The following ZBTB20 variants were observed in gnomAD, a reference collection of about 807,000 sequenced individuals.
The protein encoded by ZBTB20 is zinc finger and BTB domain containing 20.
In ZBTB20, 9 loss-of-function variants were observed where a neutral mutation model predicts 56.9. The observed-to-expected ratio is 0.16, with a 90% CI of 0.10 to 0.28. The LOEUF (loss-of-function observed/expected upper bound fraction) is 0.28. ZBTB20 is among the 10% of genes least tolerant of loss of function. The pLI, the probability that ZBTB20 is intolerant of heterozygous loss-of-function variation, is 1.00. For missense variants in ZBTB20, 655 were observed against 1,003.0 expected (o/e 0.65, Z 4.69); for synonymous variants, 417 against 420.7 (o/e 0.99, Z 0.11).
At chr3:115,047,882 A>T (rs538449850) in intron 2 of ZBTB20, among the ~76,000 whole-genome samples, 1 of 152,112 alleles carries the variant, frequency 6.6e-6, no homozygotes, top group African/African-American at 2.4e-5. Flanking sequence ...GAGATGCTAT[A>T]TTCATGATTT....
intron 6 of ZBTB20, among the ~76,000 whole-genome samples, chr3:114,666,276 G>GA (rs2061049619): frequency 6.6e-6 from 1 of 151,990 alleles, no homozygotes; most frequent in Non-Finnish European, 1.5e-5. Flanking sequence ...CTACAATCAA[G>GA]AAATGATTTG....
chr3:115,046,334 G>A (rs2081332494), intron 2 of ZBTB20, among the ~76,000 whole-genome samples: 1 of 149,842 alleles, frequency 6.7e-6, no homozygotes, highest in Non-Finnish European at 1.5e-5. Flanking sequence ...CTATAAAGTT[G>A]TTAGAAAAAA....
rs116327548 is a variant in ZBTB20 at position 114,569,525 on chromosome 3, C to A, written c.-294-69134G>T. On this transcript the variant is annotated intron_variant, in intron 6 of 11. Transcript: ENST00000675478. Reference sequence around the variant, plus strand: ...CTTACATTCTATGACTCTCTGACCGCAGATCAGTCAGGTCTCCTGGATTAG... The same window carrying A: ...CTTACATTCTATGACTCTCTGACCGAAGATCAGTCAGGTCTCCTGGATTAG... Among the ~76,000 whole-genome samples the A allele has an allele frequency of 3.8e-3, 583 of 152,304 alleles. 2 individuals carry two copies. The highest frequency in any genetic ancestry group is 0.012 in the African/African-American group (515 of 41,568).
chr3:114,775,957 T>C (rs2069573183), intron 5 of ZBTB20, among the ~76,000 whole-genome samples: 1 of 152,054 alleles, frequency 6.6e-6, no homozygotes, highest in Admixed American at 6.5e-5. Context: ...CCATTGATCA[T>C]GGACCTAGTT....
chr3:115,043,913 G>C (rs926660476), intron 2 of ZBTB20, among the ~76,000 whole-genome samples: 4 of 152,070 alleles, frequency 2.6e-5, no homozygotes, highest in Non-Finnish European at 4.4e-5. Context: ...GAATGGCTTG[G>C]CACCATCTCC....
chr3:114,664,129 C>A lies in ZBTB20; in HGVS notation c.-295+29399G>T, dbSNP rs886066535. 3.3e-5 allele frequency among the ~76,000 whole-genome samples: 5 copies of A among 152,118 alleles called. 1 individual carries two copies. The highest frequency in any genetic ancestry group is 2.1e-4 in the South Asian group (1 of 4,820). The stretch of plus-strand genomic sequence containing the variant: ...TGAGACTCATGAACTTGTATCTAGA[C>A]AATTAATCTGAGCATTTTAAGACTT... On this transcript the variant is annotated intron_variant, in intron 6 of 11. Coordinates refer to ENST00000675478, the MANE Select transcript of ZBTB20 (RefSeq NM_001348800.3).
At chr3:114,861,525 T>C (rs1385498780) in intron 4 of ZBTB20, among the ~76,000 whole-genome samples, 1 of 152,162 alleles carries the variant, frequency 6.6e-6, no homozygotes, top group Admixed American at 6.5e-5. Flanking sequence ...TTCTAGACAA[T>C]TAACAAAGTC....
chr3:114,335,046 GATAATAC>G lies in ZBTB20; in HGVS notation c.*3952_*3958del, dbSNP rs1397949508. On this transcript the variant is annotated 3_prime_UTR_variant, in exon 12 of 12. Transcript: ENST00000675478. ...AAGGAAAAATTGCCCATGATGCTGA[GATAATAC>G]CAGTGTTTTTAGTGGTAGAAAATAT... is the stretch of plus-strand genomic sequence containing the variant. The G allele has an allele frequency of 2.0e-5, 3 of 152,062 alleles. No individual in the cohort carries two copies. The highest frequency in any genetic ancestry group is 7.2e-5 in the African/African-American group (3 of 41,390). 9.4% of individuals were successfully genotyped at this position (152,062 alleles called of 1,614,324 possible).
At chr3:114,579,813 A>G (rs78714514) in intron 6 of ZBTB20, among the ~76,000 whole-genome samples, 14,182 of 151,650 alleles carry the variant, frequency 0.094, 771 homozygotes, top group African/African-American at 0.14. Flanking sequence ...TAAACTGTGA[A>G]CTGTATTTAA....
intron 3 of ZBTB20, among the ~76,000 whole-genome samples, chr3:114,950,539 T>C (rs954253911): frequency 6.6e-6 from 1 of 152,096 alleles, no homozygotes; most frequent in African/African-American, 2.4e-5. Flanking sequence ...ACTGAAATCA[T>C]GAATCAAGTG....
At chr3:114,862,311 A>C (rs374717164) in intron 4 of ZBTB20, among the ~76,000 whole-genome samples, 1 of 151,968 alleles carries the variant, frequency 6.6e-6, no homozygotes, top group Admixed American at 6.6e-5. Context: ...ACGGTAAATA[A>C]TTTTTTTTAA....
chr3:115,031,932 A>T (rs1293884229), intron 2 of ZBTB20, among the ~76,000 whole-genome samples: 1 of 151,404 alleles, frequency 6.6e-6, no homozygotes, highest in Non-Finnish European at 1.5e-5. Context: ...ATGCTATTCA[A>T]CCCTGAGTAC....
intron 7 of ZBTB20, among the ~76,000 whole-genome samples, chr3:114,456,972 G>A (rs1359793702): frequency 6.6e-6 from 1 of 152,232 alleles, no homozygotes; most frequent in Non-Finnish European, 1.5e-5. Context: ...GAGTAATTTA[G>A]TTTATTTGCA....
chr3:114,547,834 G>GTAA (rs2050076443), intron 6 of ZBTB20, among the ~76,000 whole-genome samples: 1 of 152,104 alleles, frequency 6.6e-6, no homozygotes, highest in Admixed American at 6.5e-5. Flanking sequence ...ACAGAAACTA[G>GTAA]TTTAAACTTT....
chr3:114,380,159 G>A (rs1256756946), intron 10 of ZBTB20, 58 bp downstream of exon 10: 2 of 1,435,154 alleles, frequency 1.4e-6, no homozygotes. Context: ...CCAGAACCCA[G>A]GGTAGAAGCA....
chr3:114,902,525 T>C (rs2075161251), intron 3 of ZBTB20, among the ~76,000 whole-genome samples: 1 of 152,180 alleles, frequency 6.6e-6, no homozygotes, highest in Non-Finnish European at 1.5e-5. Flanking sequence ...GGTTTATTTT[T>C]TATATTTCTG....
At chr3:115,147,143 C>T (rs1269432203) in intron 1 of ZBTB20, 76 bp downstream of exon 1, 1 of 147,796 alleles carries the variant, frequency 6.8e-6, no homozygotes, top group Non-Finnish European at 1.5e-5. Flanking sequence ...TCGCAGACGC[C>T]TCATCCCCCT....
chr3:114,913,506 G>A (rs1235275647), intron 3 of ZBTB20, among the ~76,000 whole-genome samples: 1 of 151,886 alleles, frequency 6.6e-6, no homozygotes, highest in Non-Finnish European at 1.5e-5. Context: ...TGGACATTTT[G>A]CAAACACTTT....
chr3:114,711,132 C>T (rs2064046292), intron 5 of ZBTB20, among the ~76,000 whole-genome samples: 1 of 152,082 alleles, frequency 6.6e-6, no homozygotes, highest in Non-Finnish European at 1.5e-5. Flanking sequence ...ATTATATATC[C>T]CTATTTTCTA....
Sources: allele counts gnomAD v4.1 joint callset (sites outside exome capture counted in the v4.1 genomes callset), GRCh38; gene constraint gnomAD v4.1.1; transcripts MANE v1.5; gene names NCBI Gene and HGNC (gene_info 2026-07-23, HGNC 2026-07-21).